MMP24: variants seen among roughly 807,000 people sequenced by gnomAD.
The protein encoded by MMP24 is matrix metallopeptidase 24, also known as matrix metalloproteinase-24.
A neutral mutation model predicts 62.8 loss-of-function variants in MMP24; 25 were observed. That is an observed-to-expected ratio of 0.40 (90% confidence interval 0.29 to 0.56). The LOEUF (loss-of-function observed/expected upper bound fraction) is 0.56. Ranked by LOEUF, MMP24 falls within the 20% of genes least tolerant of loss-of-function variation. The probability of loss-of-function intolerance (pLI) is 0.50; values close to 1 mark genes in which losing one functional copy is unlikely to be tolerated. For missense variants in MMP24, 634 were observed against 853.6 expected (o/e 0.74, Z 3.21); for synonymous variants, 319 against 350.5 (o/e 0.91, Z 1.00).
intron 5 of MMP24, 104 bp downstream of exon 5, chr20:35,264,056 A>G (rs1030992989): frequency 8.0e-7 from 1 of 1,245,796 alleles, no homozygotes. Context: ...TGCTATCATC[A>G]GCACTGCTGC....
At chr20:35,247,021 C>T (rs1364850688) in intron 2 of MMP24, 33 bp downstream of exon 2, 30 of 1,611,594 alleles carry the variant, frequency 1.9e-5, no homozygotes, top group Non-Finnish European at 2.5e-5. Context: ...TGCCTTTGAA[C>T]TTTCTGGACT....
chr20:35,267,754 AGT>A (rs899557040), intron 6 of MMP24: 3 of 361,750 alleles, frequency 8.3e-6, no homozygotes, highest in African/African-American at 6.3e-5. Context: ...TCTAACAAAG[AGT>A]GTGTGAAGAT....
chr20:35,234,655 A>C (rs2060454237), intron 1 of MMP24, among the ~76,000 whole-genome samples: 1 of 152,240 alleles, frequency 6.6e-6, no homozygotes, highest in South Asian at 2.1e-4. Flanking sequence ...AGGACTCTGC[A>C]GGATATGCTC....
At position 35,276,495 on chromosome 20, in the gene MMP24, G is replaced by A; in HGVS notation, c.*1886G>A. ...TTGTTACTTGCCCGGGCCATCCAGT[G>A]GGCTGGCTGGGTCTTGTGTCCCCAT... On this transcript the variant is annotated 3_prime_UTR_variant, in exon 9 of 9. Transcript: ENST00000246186. 2.5e-6 allele frequency: 1 copy of A among 392,558 alleles called. No homozygotes were observed. The highest frequency in any genetic ancestry group is 4.5e-6 in the Non-Finnish European group (1 of 222,366). The allele number at this position is 392,558 out of a possible 1,614,324, so 24.3% of individuals were successfully genotyped here.
rs639763 is a variant in MMP24, at chr20:35,274,101, C to T, written c.1601-171C>T. Reference sequence around the variant, plus strand: ...GGCGGACCACTCCAGGTCCCGGGTGCCCCCCTCTGCAGCTTCTTACTCCAT... The same window carrying T: ...GGCGGACCACTCCAGGTCCCGGGTGTCCCCCTCTGCAGCTTCTTACTCCAT... On this transcript the variant is annotated intron_variant, in intron 8 of 8. Coordinates refer to ENST00000246186, the MANE Select transcript of MMP24 (RefSeq NM_006690.4). This position sits in a 1 kb window ranked among gnomAD's most constrained non-coding sequence, Gnocchi z 5.1. Among the ~76,000 whole-genome samples, 33,294 of 151,982 alleles carry T rather than the reference C, an allele frequency of 0.22. 3,799 individuals are homozygous for T. The highest frequency in any genetic ancestry group is 0.33 in the South Asian group (1,561 of 4,802).
At chr20:35,262,269 C>T (rs1242610470) in intron 4 of MMP24, among the ~76,000 whole-genome samples, 4 of 152,128 alleles carry the variant, frequency 2.6e-5, no homozygotes, top group East Asian at 1.9e-4. Flanking sequence ...TGGAGGATCC[C>T]GCCAGCCTCT....
At chr20:35,241,735 G>C (rs2060489328) in intron 1 of MMP24, among the ~76,000 whole-genome samples, 1 of 152,180 alleles carries the variant, frequency 6.6e-6, no homozygotes, top group Non-Finnish European at 1.5e-5. Context: ...TTAATTCCCA[G>C]AGCACTGGAA....
rs561954265 is a variant in MMP24, at chr20:35,241,336, A to G, written c.247-5504A>G. On this transcript the variant is annotated intron_variant, in intron 1 of 8. Coordinates refer to ENST00000246186, the MANE Select transcript of MMP24 (RefSeq NM_006690.4). ...CAGACACACAGACACACACACACAT[A>G]ATGCTAGTCCAACTTCTTGTCCTGT... is the stretch of plus-strand genomic sequence containing the variant. 3.3e-5 allele frequency among the ~76,000 whole-genome samples: 5 copies of G among 152,234 alleles called. No individual in the cohort carries two copies. The South Asian group carries it at 1.0e-3, about 32-fold the overall frequency.
At position 35,271,461 on chromosome 20, in the gene MMP24, T is replaced by G. The variant is rs6058220; in HGVS notation, c.1334-108T>G. On this transcript the variant is annotated intron_variant, in intron 7 of 8. Coordinates refer to ENST00000246186, the MANE Select transcript of MMP24 (RefSeq NM_006690.4). This position sits in a 1 kb window ranked among gnomAD's most constrained non-coding sequence, Gnocchi z 4.0. ...GCTTCGTGCCCTTCCCAACTCTAAC[T>G]GGGCCAAGGGGCTGAGGGCATCAGA... 0.096 allele frequency: 133,846 copies of G among 1,390,230 alleles called. 7,156 individuals are homozygous for G. The highest frequency in any genetic ancestry group is 0.18 in the South Asian group (12,350 of 67,642). 86.1% of individuals were successfully genotyped at this position (1,390,230 alleles called of 1,614,324 possible).
chr20:35,250,251 C>A (rs1332415299), intron 2 of MMP24, among the ~76,000 whole-genome samples: 1 of 152,190 alleles, frequency 6.6e-6, no homozygotes, highest in East Asian at 1.9e-4. Context: ...CTGCACCTGG[C>A]CAAGAATTAA....
intron 4 of MMP24, among the ~76,000 whole-genome samples, chr20:35,260,030 T>C (rs1185236775): frequency 6.6e-6 from 1 of 152,188 alleles, no homozygotes; most frequent in Non-Finnish European, 1.5e-5. Context: ...AACCAGGCAG[T>C]CTGGCTCCCA....
At chr20:35,246,732 A>G in intron 1 of MMP24, 108 bp from the exon 2 acceptor site, 1 of 1,306,060 alleles carries the variant, frequency 7.7e-7, no homozygotes, top group Non-Finnish European at 1.1e-6. Flanking sequence ...GCATGAGTCC[A>G]GGAGTCACTG....
rs1415939959 is a variant in MMP24, at chr20:35,254,755, G to C, written c.817+1G>C. 6.2e-7 allele frequency: 1 copy of C among 1,608,646 alleles called. No homozygotes were observed. Among genetic ancestry groups the C allele is most frequent in the Non-Finnish European group, 8.5e-7 (1 of 1,176,768 alleles). ...ACGCTAGGAAATGCCAACCATGACG[G>C]TAAGGCCATGAGGGGACAGGGGTCA... is the stretch of plus-strand genomic sequence containing the variant. On this transcript the variant is annotated splice_donor_variant, in intron 4 of 8. Transcript: ENST00000246186. LOFTEE classifies it high-confidence loss of function.
intron 1 of MMP24, among the ~76,000 whole-genome samples, chr20:35,232,441 A>G (rs2060441989): frequency 6.6e-6 from 1 of 152,198 alleles, no homozygotes; most frequent in Non-Finnish European, 1.5e-5. Context: ...TTGGCACACA[A>G]AAGTCGCTAC....
chr20:35,270,469 G>T (rs542024330), intron 7 of MMP24, among the ~76,000 whole-genome samples: 1 of 152,376 alleles, frequency 6.6e-6, no homozygotes, highest in South Asian at 2.1e-4. Context: ...AAAGCTGTGA[G>T]AAATGGCCCA....
At chr20:35,230,692 A>G (rs2146197720) in intron 1 of MMP24, among the ~76,000 whole-genome samples, 1 of 152,314 alleles carries the variant, frequency 6.6e-6, no homozygotes, top group East Asian at 1.9e-4. Context: ...ATTGAGAGAT[A>G]ACCGTGACCT....
chr20:35,273,691 C>A (rs1315324931), intron 8 of MMP24, among the ~76,000 whole-genome samples: 1 of 152,162 alleles, frequency 6.6e-6, no homozygotes, highest in Non-Finnish European at 1.5e-5. Flanking sequence ...CTGGCTGGGC[C>A]GCTCAGGCTG....
At chr20:35,249,346 G>A (rs1379856172) in intron 2 of MMP24, among the ~76,000 whole-genome samples, 1 of 152,152 alleles carries the variant, frequency 6.6e-6, no homozygotes, top group Non-Finnish European at 1.5e-5. Context: ...GTCGCCTTGG[G>A]AAATGTCACA....
chr20:35,254,299 ACT>A, intron 3 of MMP24, 149 bp from the exon 4 acceptor site: 1 of 767,722 alleles, frequency 1.3e-6, no homozygotes, highest in South Asian at 1.8e-5. Context: ...GAGCTCTGTT[ACT>A]CAGCCTCTTC....
Sources: allele counts gnomAD v4.1 joint callset (sites outside exome capture counted in the v4.1 genomes callset), GRCh38; gene constraint gnomAD v4.1.1; non-coding constraint Gnocchi (gnomAD v3.1); transcripts MANE v1.5; gene names NCBI Gene and HGNC (gene_info 2026-07-23, HGNC 2026-07-21).